Variants in SMG6 observed in about 807,000 individuals in gnomAD.
SMG6 encodes the protein SMG6 nonsense mediated mRNA decay factor, also known as telomerase-binding protein EST1A.
Under a neutral mutation model 142.2 loss-of-function variants are expected in SMG6, and 66 were observed. The observed-to-expected ratio is 0.46, with a 90% CI of 0.38 to 0.57. The LOEUF is 0.57. SMG6 is among the 20% of genes least tolerant of loss of function. The pLI, the probability that SMG6 is intolerant of heterozygous loss-of-function variation, is 0.00. For synonymous variants in SMG6, 779 were observed against 702.4 expected, an observed-to-expected ratio of 1.11 and a Z score of -1.72; for missense variants, 1,793 against 1,832.0, an observed-to-expected ratio of 0.98 and a Z score of 0.39.
At chr17:2,116,399 A>G (rs1260903308) in intron 13 of SMG6, among the ~76,000 whole-genome samples, 1 of 152,228 alleles carries the variant, frequency 6.6e-6, no homozygotes, top group East Asian at 1.9e-4. Context: ...TATTTTAACT[A>G]AGATTTGTGT....
intron 13 of SMG6, among the ~76,000 whole-genome samples, chr17:2,126,457 G>C (rs2069880559): frequency 6.6e-6 from 1 of 152,154 alleles, no homozygotes; most frequent in Admixed American, 6.5e-5. Context: ...CAGACACAGT[G>C]CCTCATATTT....
chr17:2,285,122 G>GT (rs2074875843), intron 6 of SMG6, among the ~76,000 whole-genome samples: 1 of 152,066 alleles, frequency 6.6e-6, no homozygotes, highest in Non-Finnish European at 1.5e-5. Flanking sequence ...TTGCATCACT[G>GT]TCTATACAGC....
At chr17:2,294,095 GAGA>G (rs566307409) in intron 4 of SMG6, among the ~76,000 whole-genome samples, 5 of 152,250 alleles carry the variant, frequency 3.3e-5, no homozygotes, top group South Asian at 2.1e-4. Context: ...AAGCTTCATT[GAGA>G]AGAAGATACT....
At chr17:2,165,940 G>C (rs1043824123) in intron 13 of SMG6, among the ~76,000 whole-genome samples, 1 of 151,958 alleles carries the variant, frequency 6.6e-6, no homozygotes, top group Non-Finnish European at 1.5e-5. Flanking sequence ...GGACGGGCGC[G>C]GTGACTCAGG....
chr17:2,234,722 A>ATTT (rs1276004907), intron 10 of SMG6, among the ~76,000 whole-genome samples: 1 of 150,400 alleles, frequency 6.6e-6, no homozygotes, highest in African/African-American at 2.4e-5. Flanking sequence ...TATTATTATT[A>ATTT]TTTGAGATGG....
At chr17:2,147,762 T>C (rs1441252403) in intron 13 of SMG6, among the ~76,000 whole-genome samples, 2 of 152,180 alleles carry the variant, frequency 1.3e-5, no homozygotes, top group Non-Finnish European at 1.5e-5. Flanking sequence ...TTCACACCAA[T>C]ACACCGACTA....
At chr17:2,074,093 G>A (rs1362042025) in intron 15 of SMG6, among the ~76,000 whole-genome samples, 1 of 152,084 alleles carries the variant, frequency 6.6e-6, no homozygotes, top group Admixed American at 6.6e-5. Context: ...CAAAAAAAGA[G>A]AGAGAGAGAG....
At chr17:2,100,721 A>T (rs1390351570) in intron 13 of SMG6, among the ~76,000 whole-genome samples, 1 of 152,154 alleles carries the variant, frequency 6.6e-6, no homozygotes, top group Non-Finnish European at 1.5e-5. Flanking sequence ...TTTTTAAAAA[A>T]TGTTTTGTAG....
At chr17:2,113,327 C>T (rs2069399180) in intron 13 of SMG6, among the ~76,000 whole-genome samples, 1 of 152,146 alleles carries the variant, frequency 6.6e-6, no homozygotes, top group Non-Finnish European at 1.5e-5. Context: ...CCACCCGCCT[C>T]GGCCTCACAG....
intron 10 of SMG6, among the ~76,000 whole-genome samples, chr17:2,196,982 A>C (rs1295400616): frequency 1.3e-5 from 2 of 152,242 alleles, no homozygotes; most frequent in African/African-American, 2.4e-5. Context: ...ACTTATACAA[A>C]AATTATCTCA....
intron 13 of SMG6, among the ~76,000 whole-genome samples, chr17:2,100,858 C>A (rs572675909): frequency 6.7e-6 from 1 of 149,502 alleles, no homozygotes; most frequent in Admixed American, 6.7e-5. Flanking sequence ...GAATGTATTG[C>A]ACAGGCTGGT....
intron 13 of SMG6, among the ~76,000 whole-genome samples, chr17:2,098,166 G>C (rs1447952517): frequency 6.6e-6 from 1 of 152,086 alleles, no homozygotes; most frequent in African/African-American, 2.4e-5. Context: ...GTGTTCTGTA[G>C]AGACGGGGTT....
chr17:2,197,289 C>T (rs1009087286), intron 10 of SMG6, among the ~76,000 whole-genome samples: 6 of 152,134 alleles, frequency 3.9e-5, no homozygotes, highest in African/African-American at 1.2e-4. Context: ...CCTGGCCAGG[C>T]GCGGTGGCTC....
chr17:2,070,591 T>C (rs1049866744), intron 15 of SMG6, among the ~76,000 whole-genome samples: 2 of 152,206 alleles, frequency 1.3e-5, no homozygotes, highest in Non-Finnish European at 2.9e-5. Flanking sequence ...TGAAAGGGCA[T>C]GCCTTCAAAT....
intron 15 of SMG6, among the ~76,000 whole-genome samples, chr17:2,080,245 C>G (rs1395214734): frequency 6.6e-6 from 1 of 151,846 alleles, no homozygotes; most frequent in African/African-American, 2.4e-5. Flanking sequence ...ACAGCAAAAC[C>G]CTGTCTTTAC....
At chr17:2,235,927 A>G (rs1375308100) in intron 10 of SMG6, 3 of 152,144 alleles carry the variant, frequency 2.0e-5, no homozygotes, top group Non-Finnish European at 4.4e-5. Flanking sequence ...ACATTTTAGA[A>G]TGCACACTGG....
chr17:2,283,479 C>A, intron 7 of SMG6, 146 bp downstream of exon 7: 1 of 669,216 alleles, frequency 1.5e-6, no homozygotes, highest in East Asian at 2.7e-5. Flanking sequence ...AGTCATTCCC[C>A]GAGGACACAC....
At chr17:2,115,342 C>A (rs1395649015) in intron 13 of SMG6, among the ~76,000 whole-genome samples, 3 of 151,982 alleles carry the variant, frequency 2.0e-5, no homozygotes. Context: ...AAAAAAATCA[C>A]CTAACATATA....
chr17:2,071,408 GCAGGA>G lies in SMG6; in HGVS notation c.3682-2482_3682-2478del, dbSNP rs757365453. Among the ~76,000 whole-genome samples the G allele has an allele frequency of 1.3e-5, 2 of 152,222 alleles. No individual in the cohort carries two copies. Among genetic ancestry groups the G allele is most frequent in the Non-Finnish European group, 2.9e-5 (2 of 68,038 alleles). ...CTGAGCCTACCTGTGTGTTCTGATG[GCAGGA>G]CAGAAGAAAAATCTAGAAGCGAGGT... On this transcript the variant is annotated intron_variant, in intron 15 of 18. Coordinates refer to ENST00000263073, the MANE Select transcript of SMG6 (RefSeq NM_017575.5). The surrounding 1 kb of genome is among the most constrained non-coding windows in gnomAD (Gnocchi z 5.6).
Sources: gnomAD v4.1 joint callset for allele counts (sites outside exome capture counted in the v4.1 genomes callset) on GRCh38, gnomAD v4.1.1 for gene constraint, Gnocchi (gnomAD v3.1) non-coding constraint, MANE v1.5 for transcripts, NCBI Gene and HGNC (gene_info 2026-07-23, HGNC 2026-07-21) for gene names.